TBC1D8: variants seen among roughly 807,000 people sequenced by gnomAD.
TBC1D8 encodes BUB2-like protein 1.
TBC1D8 carries 65 observed loss-of-function variants against 118.8 expected under a neutral mutation model. The observed-to-expected ratio is 0.55, with a 90% CI of 0.45 to 0.67. The LOEUF (loss-of-function observed/expected upper bound fraction) is 0.67, where lower values mean the gene tolerates loss of function less well. Among genes scored for constraint, TBC1D8 ranks in the 30% least tolerant of loss-of-function variants. The pLI is 0.00. For synonymous variants in TBC1D8, 566 were observed against 595.8 expected (o/e 0.95, Z 0.73); for missense variants, 1,376 against 1,471.2 (o/e 0.94, Z 1.06).
At position 101,128,666 on chromosome 2, in the gene TBC1D8, T is replaced by C. The variant is rs1252679576; in HGVS notation, c.127+22461A>G. 2.0e-5 allele frequency among the ~76,000 whole-genome samples: 3 copies of C among 152,226 alleles called. No individual in the cohort carries two copies. The East Asian group carries it at 5.8e-4, about 29-fold the overall frequency. ...GTTTTCACGGCAGCATTATTTGCAA[T>C]AGCCAAAAGGCGGAAGTAACCCAGG... On this transcript the variant is annotated intron_variant, in intron 1 of 19. Transcript: ENST00000409318.
intron 2 of TBC1D8, among the ~76,000 whole-genome samples, chr2:101,081,251 C>T (rs1053849235): frequency 6.6e-6 from 1 of 152,186 alleles, no homozygotes; most frequent in African/African-American, 2.4e-5. Context: ...GTGCCCCTGC[C>T]CACCAGGTAA....
intron 1 of TBC1D8, among the ~76,000 whole-genome samples, chr2:101,102,860 T>A (rs919042061): frequency 3.3e-5 from 5 of 150,770 alleles, no homozygotes; most frequent in Non-Finnish European, 7.4e-5. Context: ...CTGGGCAACA[T>A]AGCAAAAAAA....
intron 1 of TBC1D8, among the ~76,000 whole-genome samples, chr2:101,143,836 C>G (rs534989939): frequency 6.6e-6 from 1 of 152,388 alleles, no homozygotes; most frequent in East Asian, 1.9e-4. Flanking sequence ...GCTAGGACTA[C>G]AGGCGTGAGC....
At chr2:101,120,084 C>G (rs561745497) in intron 1 of TBC1D8, among the ~76,000 whole-genome samples, 1 of 152,226 alleles carries the variant, frequency 6.6e-6, no homozygotes, top group East Asian at 1.9e-4. Flanking sequence ...GTCCCTGACT[C>G]CACCACCACC....
intron 19 of TBC1D8, among the ~76,000 whole-genome samples, chr2:101,008,580 C>G (rs529864501): frequency 1.3e-5 from 2 of 151,990 alleles, no homozygotes; most frequent in Admixed American, 6.6e-5. Flanking sequence ...TGTGGGAGGC[C>G]GAGGCAGGCG....
chr2:101,093,732 T>G (rs932363407), intron 1 of TBC1D8, among the ~76,000 whole-genome samples: 23 of 150,790 alleles, frequency 1.5e-4, no homozygotes, highest in African/African-American at 5.1e-4. Context: ...AAAAAAGAGA[T>G]GGAGGGTCAC....
intron 4 of TBC1D8, 24 bp from the exon 5 acceptor site, chr2:101,050,665 C>T: frequency 6.2e-7 from 1 of 1,602,894 alleles, no homozygotes; most frequent in South Asian, 1.1e-5. Flanking sequence ...GGGTGAAATA[C>T]CTATTATGCC....
At chr2:101,111,335 A>G (rs190243398) in intron 1 of TBC1D8, among the ~76,000 whole-genome samples, 84 of 152,336 alleles carry the variant, frequency 5.5e-4, no homozygotes, top group African/African-American at 1.9e-3. Flanking sequence ...CATATCACGC[A>G]GGATGCTCCG....
chr2:101,057,367 A>G (rs1049128202), intron 3 of TBC1D8, among the ~76,000 whole-genome samples: 1 of 152,192 alleles, frequency 6.6e-6, no homozygotes, highest in Admixed American at 6.5e-5. Context: ...TTTCCCACAC[A>G]GTACACTGCC....
chr2:101,007,870 A>AAAGT lies in TBC1D8; in HGVS notation c.3415_3418dup (p.Phe1140TyrfsTer3). The AAAGT allele has an allele frequency of 6.2e-7, 1 of 1,613,866 alleles. No individual in the cohort carries two copies. Among genetic ancestry groups the AAAGT allele is most frequent in the South Asian group, 1.1e-5 (1 of 91,078 alleles). On this transcript the variant is annotated frameshift_variant, in exon 20 of 20. Coordinates refer to ENST00000409318, the MANE Select transcript of TBC1D8 (RefSeq NM_001330348.2). LOFTEE classifies it high-confidence loss of function. Reference sequence around the variant, plus strand: ...AGATTGTGATTGGTGGCTCATTTCAAAAGTTTTGAGATTGTACTGATTGAT... The same window carrying AAAGT: ...AGATTGTGATTGGTGGCTCATTTCAAAAGTAAGTTTTGAGATTGTACTGATTGAT...
chr2:101,029,429 G>A (rs1025642961), intron 12 of TBC1D8, 62 bp downstream of exon 12: 174 of 1,541,188 alleles, frequency 1.1e-4, no homozygotes, highest in Admixed American at 3.0e-4. Context: ...CGATAGCCCT[G>A]CTGGGCACGT....
intron 2 of TBC1D8, among the ~76,000 whole-genome samples, chr2:101,083,570 C>G (rs1160865335): frequency 6.6e-6 from 1 of 152,212 alleles, no homozygotes; most frequent in Non-Finnish European, 1.5e-5. Flanking sequence ...TAGGTATCTT[C>G]TGCCAAATAA....
intron 17 of TBC1D8, chr2:101,019,095 G>T: frequency 1.3e-6 from 2 of 1,577,940 alleles, no homozygotes; most frequent in Middle Eastern, 1.7e-4. Context: ...ATTGCTTCCT[G>T]AGCTGCAGCA....
intron 11 of TBC1D8, among the ~76,000 whole-genome samples, chr2:101,030,172 T>C (rs1460440401): frequency 6.6e-6 from 1 of 152,030 alleles, no homozygotes; most frequent in Non-Finnish European, 1.5e-5. Context: ...ATAGAAAAAA[T>C]TGTAAACTGG....
chr2:101,063,562 G>C (rs1019498091), intron 2 of TBC1D8, among the ~76,000 whole-genome samples: 7 of 152,164 alleles, frequency 4.6e-5, no homozygotes, highest in Non-Finnish European at 1.0e-4. Flanking sequence ...AAATTTTCCA[G>C]ACTGTAATTT....
At chr2:101,084,849 A>AT (rs70943062) in intron 2 of TBC1D8, among the ~76,000 whole-genome samples, 52,243 of 136,258 alleles carry the variant, frequency 0.38, 10,404 homozygotes, top group Middle Eastern at 0.42. Flanking sequence ...GGTATTCACT[A>AT]TTTTTTTTTT....
intron 2 of TBC1D8, among the ~76,000 whole-genome samples, chr2:101,078,753 C>CAAAAAAAAAAAA: frequency 1.9e-5 from 2 of 108,106 alleles, no homozygotes; most frequent in African/African-American, 3.7e-5. Flanking sequence ...CCTTTCTTAG[C>CAAAAAAAAAAAA]AAAAAAAAAA....
intron 1 of TBC1D8, among the ~76,000 whole-genome samples, chr2:101,129,583 C>T (rs935628608): frequency 6.6e-6 from 1 of 152,106 alleles, no homozygotes; most frequent in African/African-American, 2.4e-5. Flanking sequence ...CCAGGAACAC[C>T]CACATTTCAG....
At chr2:101,110,033 A>G (rs1677496673) in intron 1 of TBC1D8, 2 of 984,866 alleles carry the variant, frequency 2.0e-6, no homozygotes, top group African/African-American at 1.7e-5. Flanking sequence ...CAGCGAGCAC[A>G]ACACTCCTAT....
Sources: allele counts gnomAD v4.1 joint callset (sites outside exome capture counted in the v4.1 genomes callset), GRCh38; gene constraint gnomAD v4.1.1; transcripts MANE v1.5; gene names NCBI Gene and HGNC (gene_info 2026-07-23, HGNC 2026-07-21).